Variants in EYA1 observed in about 807,000 individuals in gnomAD.
The protein encoded by EYA1 is protein phosphatase EYA1.
A neutral mutation model predicts 82.0 loss-of-function variants in EYA1; 16 were observed. That is an observed-to-expected ratio of 0.20 (90% CI 0.13 to 0.30). The LOEUF is 0.30. Among genes scored for constraint, EYA1 ranks in the 10% least tolerant of loss-of-function variants. EYA1 has a pLI of 1.00. For missense variants in EYA1, 633 were observed against 730.7 expected, an observed-to-expected ratio of 0.87 and a Z score of 1.54; for synonymous variants, 261 against 264.4, an observed-to-expected ratio of 0.99 and a Z score of 0.12.
intron 2 of EYA1, among the ~76,000 whole-genome samples, chr8:71,448,025 T>TTTTTTTTTTTTTTTAGGTAACGGCG (rs935912194): frequency 8.6e-6 from 1 of 116,736 alleles, no homozygotes; most frequent in Non-Finnish European, 1.7e-5. Flanking sequence ...TTTTTTTTTT[T>TTTTTTTTTTTTTTTAGGTAACGGCG]TCTCGCTCCG....
chr8:71,199,336 G>T lies in EYA1; in HGVS notation c.*4C>A. 1 of 1,604,976 alleles carries T rather than the reference G, an allele frequency of 6.2e-7. No homozygotes were observed. Among genetic ancestry groups the T allele is most frequent in the Non-Finnish European group, 8.5e-7 (1 of 1,173,462 alleles). ...GCTGTGCGCTGTCAAAGTGCCGAGC[G>T]CTGTTACAGGTACTCCAGTTCCAAG... On this transcript the variant is annotated 3_prime_UTR_variant, in exon 18 of 18. Coordinates refer to ENST00000340726, the MANE Select transcript of EYA1 (RefSeq NM_000503.6).
At chr8:71,207,957 T>C (rs1378633765) in intron 17 of EYA1, among the ~76,000 whole-genome samples, 1 of 152,246 alleles carries the variant, frequency 6.6e-6, no homozygotes, top group Admixed American at 6.5e-5. Flanking sequence ...TTTAAGTGTT[T>C]TATTGGGTTG....
At chr8:71,215,550 T>C in intron 15 of EYA1, 42 bp from the exon 16 acceptor site, 1 of 1,612,436 alleles carries the variant, frequency 6.2e-7, no homozygotes. Flanking sequence ...GAAAAATAAA[T>C]CTCCAAAATG....
chr8:71,467,921 C>T (rs927831004), intron 2 of EYA1, among the ~76,000 whole-genome samples: 4 of 152,050 alleles, frequency 2.6e-5, no homozygotes, highest in South Asian at 2.1e-4. Context: ...TACTAAGTCT[C>T]GGTTCACAGA....
Position 71,213,109 on chromosome 8 carries a change from C to T in EYA1, c.1598-1853G>A, listed in dbSNP as rs554826116. Among the ~76,000 whole-genome samples the T allele has an allele frequency of 1.2e-4, 19 of 152,040 alleles. No homozygotes were observed. The East Asian group carries it at 3.7e-3, about 29-fold the overall frequency. On this transcript the variant is annotated intron_variant, in intron 16 of 17. Coordinates refer to ENST00000340726, the MANE Select transcript of EYA1 (RefSeq NM_000503.6). ...TGCTGGGTTTTCTGCATTGATTCCCCACATATACCTTATTTGATGGTGAAA... is the reference window on the plus strand; with the variant it reads ...TGCTGGGTTTTCTGCATTGATTCCCTACATATACCTTATTTGATGGTGAAA...
At chr8:71,490,989 C>T (rs796612158) in intron 2 of EYA1, among the ~76,000 whole-genome samples, 8 of 152,102 alleles carry the variant, frequency 5.3e-5, no homozygotes, top group African/African-American at 1.7e-4. Flanking sequence ...ACTCTATTGA[C>T]GCTCAAGTAA....
chr8:71,219,579 T>TA (rs1232008660), intron 12 of EYA1, among the ~76,000 whole-genome samples: 1 of 152,224 alleles, frequency 6.6e-6, no homozygotes, highest in African/African-American at 2.4e-5. Context: ...TGTAGGAACT[T>TA]ACAAATAATG....
intron 2 of EYA1, among the ~76,000 whole-genome samples, chr8:71,526,948 T>C (rs1225848266): frequency 6.6e-6 from 1 of 152,252 alleles, no homozygotes; most frequent in Admixed American, 6.5e-5. Flanking sequence ...ATACAAAATG[T>C]AGAAGTATTT....
In EYA1 at chr8:71,274,867, A is replaced by AGAGAGAGAGAGAGTGAGCGAGC. The variant is rs777570238; in HGVS notation, c.827-2992_827-2971dup. Among the ~76,000 whole-genome samples, 424 of 150,698 alleles carry AGAGAGAGAGAGAGTGAGCGAGC rather than the reference A, an allele frequency of 2.8e-3. 10 individuals carry two copies. The East Asian group carries it at 0.039, about 14-fold the overall frequency. On this transcript the variant is annotated intron_variant, in intron 9 of 17. Coordinates refer to ENST00000340726, the MANE Select transcript of EYA1 (RefSeq NM_000503.6). ...TAAGTATGTGTGAAGGTAAAGTGGG[A>AGAGAGAGAGAGAGTGAGCGAGC]GAGAGAGAGAGAGTGAGCGAGCGAG...
At chr8:71,400,802 A>C (rs560546373) in intron 2 of EYA1, among the ~76,000 whole-genome samples, 35 of 152,190 alleles carry the variant, frequency 2.3e-4, no homozygotes, top group Non-Finnish European at 4.7e-4. Flanking sequence ...ACCCAAAGGA[A>C]TATAAATCAT....
At chr8:71,484,834 C>A (rs1381101931) in intron 2 of EYA1, among the ~76,000 whole-genome samples, 1 of 152,232 alleles carries the variant, frequency 6.6e-6, no homozygotes, top group East Asian at 1.9e-4. Flanking sequence ...TTCCATCTGG[C>A]AGCTGAGAGC....
At position 71,321,748 on chromosome 8, in the gene EYA1, C is replaced by T. The variant is rs776314304; in HGVS notation, c.404G>A (p.Gly135Asp). 1 of 1,614,102 alleles carries T rather than the reference C, an allele frequency of 6.2e-7. No homozygotes were observed. Among genetic ancestry groups the T allele is most frequent in the Non-Finnish European group, 8.5e-7 (1 of 1,179,992 alleles). The change falls in exon 6 of 18, where the codon GGC becomes GAC. Residue 135 changes from glycine (G) to aspartate (D), a missense_variant. By Grantham distance (94) the Gly-to-Asp change is moderately conservative. Coordinates refer to ENST00000340726, the MANE Select transcript of EYA1 (RefSeq NM_000503.6). ...ATYPQPGQPY[G>D]ISSYGALWAG... ...AGGTTACTCACCATATGAGGAAATG[C>T]CGTACGGCTGTCCTGGCTGTGGGTA...
chr8:71,506,161 T>G (rs1812178685), intron 2 of EYA1, among the ~76,000 whole-genome samples: 1 of 152,196 alleles, frequency 6.6e-6, no homozygotes, highest in Non-Finnish European at 1.5e-5. Flanking sequence ...ACTAATACAA[T>G]GATTTTCTAC....
At chr8:71,459,264 AC>A (rs1243477144) in intron 2 of EYA1, among the ~76,000 whole-genome samples, 1 of 152,256 alleles carries the variant, frequency 6.6e-6, no homozygotes, top group Non-Finnish European at 1.5e-5. Flanking sequence ...CGGTGGCCAA[AC>A]TTTTATTTGC....
chr8:71,358,942 C>T (rs1334510393), intron 1 of EYA1, among the ~76,000 whole-genome samples: 1 of 152,072 alleles, frequency 6.6e-6, no homozygotes, highest in Non-Finnish European at 1.5e-5. Flanking sequence ...GCTTTACACC[C>T]ATAAACTTAG....
intron 2 of EYA1, among the ~76,000 whole-genome samples, chr8:71,389,286 T>C (rs1563561119): frequency 6.6e-6 from 1 of 152,166 alleles, no homozygotes; most frequent in Non-Finnish European, 1.5e-5. Context: ...TTTGAACATA[T>C]TATAAATATT....
intron 11 of EYA1, among the ~76,000 whole-genome samples, chr8:71,252,474 T>G (rs1331284230): frequency 6.6e-6 from 1 of 152,138 alleles, no homozygotes; most frequent in Non-Finnish European, 1.5e-5. Context: ...TTCGATAGAA[T>G]GTTCATACAA....
intron 2 of EYA1, among the ~76,000 whole-genome samples, chr8:71,533,929 A>C (rs1814495596): frequency 6.6e-6 from 1 of 152,218 alleles, no homozygotes; most frequent in Non-Finnish European, 1.5e-5. Flanking sequence ...AACAGGACAA[A>C]ATGAGATGCA....
chr8:71,406,594 A>G (rs1259346381), intron 2 of EYA1, among the ~76,000 whole-genome samples: 1 of 152,182 alleles, frequency 6.6e-6, no homozygotes, highest in African/African-American at 2.4e-5. Context: ...TCCCTTTCCC[A>G]GTCAAAGAAA....
Sources: gnomAD v4.1 joint callset for allele counts (sites outside exome capture counted in the v4.1 genomes callset) on GRCh38, gnomAD v4.1.1 for gene constraint, MANE v1.5 for transcripts, NCBI Gene and HGNC (gene_info 2026-07-23, HGNC 2026-07-21) for gene names.